Variants in RPS6KA5 observed in about 807,000 individuals in gnomAD.
The protein encoded by RPS6KA5 is ribosomal protein S6 kinase alpha-5.
A neutral mutation model predicts 85.5 loss-of-function variants in RPS6KA5; 27 were observed. The observed-to-expected ratio is 0.32, with a 90% CI of 0.23 to 0.44. The LOEUF is 0.44. Ranked by LOEUF, RPS6KA5 falls within the 20% of genes least tolerant of loss-of-function variation. RPS6KA5 has a pLI of 1.00. For missense variants in RPS6KA5, 811 were observed against 980.9 expected, an observed-to-expected ratio of 0.83 and a Z score of 2.31; for synonymous variants, 334 against 348.2, an observed-to-expected ratio of 0.96 and a Z score of 0.46.
At chr14:90,985,012 C>A (rs1294202893) in intron 2 of RPS6KA5, among the ~76,000 whole-genome samples, 1 of 151,760 alleles carries the variant, frequency 6.6e-6, no homozygotes, top group African/African-American at 2.4e-5. Context: ...ACGATCTTGG[C>A]TCACCACAAC....
rs917684104 is a variant in RPS6KA5 at position 90,848,684 on chromosome 14, C to T, written c.*23390G>A. 1.3e-5 allele frequency: 2 copies of T among 152,090 alleles called. No homozygotes were observed. The highest frequency in any genetic ancestry group is 4.8e-5 in the African/African-American group (2 of 41,418). 9.4% of individuals were successfully genotyped at this position (152,090 alleles called of 1,614,324 possible). A position where few individuals can be genotyped will look rare whatever the true frequency, so the allele number is the denominator to read the frequency against. Reference sequence around the variant, plus strand: ...AGAGACTTAGAAAAAAAAAGCCATGCAAATAAAAATCTCATTACATGCCAG... The same window carrying T: ...AGAGACTTAGAAAAAAAAAGCCATGTAAATAAAAATCTCATTACATGCCAG... On this transcript the variant is annotated 3_prime_UTR_variant, in exon 17 of 17. Transcript: ENST00000614987.
At position 90,891,617 on chromosome 14, in the gene RPS6KA5, A is replaced by G. The variant is rs1375477939; in HGVS notation, c.1645-939T>C. 2.0e-5 allele frequency among the ~76,000 whole-genome samples: 3 copies of G among 152,304 alleles called. No individual in the cohort carries two copies. In the South Asian group the frequency reaches 6.2e-4, roughly 32 times the overall value. On this transcript the variant is annotated intron_variant, in intron 13 of 16. Coordinates refer to ENST00000614987, the MANE Select transcript of RPS6KA5 (RefSeq NM_004755.4). ...GAATATTATTTGCTTTGTTAATACT[A>G]TTCTAGCTGAAATAAAACACATTAT... is the stretch of plus-strand genomic sequence containing the variant.
intron 4 of RPS6KA5, among the ~76,000 whole-genome samples, chr14:90,944,940 T>C (rs1955213126): frequency 6.7e-6 from 1 of 149,894 alleles, no homozygotes; most frequent in Non-Finnish European, 1.5e-5. Flanking sequence ...CTCTATTTTT[T>C]TTTTTTTTAA....
At chr14:91,000,815 T>C (rs2040756640) in intron 2 of RPS6KA5, among the ~76,000 whole-genome samples, 1 of 151,962 alleles carries the variant, frequency 6.6e-6, no homozygotes, top group Non-Finnish European at 1.5e-5. Context: ...AAAAATAAAA[T>C]AAAATAAAAT....
At chr14:91,005,523 G>C (rs1243859881) in intron 1 of RPS6KA5, among the ~76,000 whole-genome samples, 4 of 152,070 alleles carry the variant, frequency 2.6e-5, no homozygotes, top group African/African-American at 9.7e-5. Flanking sequence ...GCATGGGGGA[G>C]TATTTGTCCA....
At chr14:90,944,052 TTAAG>T (rs2037738244) in intron 4 of RPS6KA5, among the ~76,000 whole-genome samples, 1 of 152,188 alleles carries the variant, frequency 6.6e-6, no homozygotes, top group Non-Finnish European at 1.5e-5. Flanking sequence ...AGAAAATCAA[TTAAG>T]TAACATTTAT....
At chr14:90,985,705 C>T (rs2040029846) in intron 2 of RPS6KA5, among the ~76,000 whole-genome samples, 1 of 152,200 alleles carries the variant, frequency 6.6e-6, no homozygotes, top group Non-Finnish European at 1.5e-5. Flanking sequence ...CCAACTTAGT[C>T]TTATACTCCC....
intron 6 of RPS6KA5, 105 bp downstream of exon 6, chr14:90,923,008 C>G (rs1280213080): frequency 1.3e-6 from 1 of 759,902 alleles, no homozygotes; most frequent in Non-Finnish European, 2.2e-6. Context: ...AGACAATCAA[C>G]ACCAGAAAGA....
intron 5 of RPS6KA5, among the ~76,000 whole-genome samples, chr14:90,942,479 C>A (rs1196237642): frequency 6.6e-6 from 1 of 152,322 alleles, no homozygotes; most frequent in South Asian, 2.1e-4. Context: ...AATAGATGTA[C>A]AATTTTAAGT....
chr14:90,952,999 G>C (rs2038289035), intron 3 of RPS6KA5, among the ~76,000 whole-genome samples: 1 of 152,138 alleles, frequency 6.6e-6, no homozygotes, highest in Admixed American at 6.5e-5. Context: ...TAATCGGCTT[G>C]TTTTTAGTGT....
chr14:90,988,365 A>G (rs796192522), intron 2 of RPS6KA5, among the ~76,000 whole-genome samples: 20 of 152,336 alleles, frequency 1.3e-4, no homozygotes, highest in African/African-American at 4.8e-4. Flanking sequence ...AATAGCTAAA[A>G]CTGAAAAACA....
At chr14:91,015,232 G>A (rs1190093442) in intron 1 of RPS6KA5, among the ~76,000 whole-genome samples, 4 of 151,994 alleles carry the variant, frequency 2.6e-5, no homozygotes, top group East Asian at 1.9e-4. Flanking sequence ...CCTGGAACCC[G>A]AATCTAGACA....
At chr14:91,045,752 T>C (rs2042846208) in intron 1 of RPS6KA5, among the ~76,000 whole-genome samples, 1 of 152,174 alleles carries the variant, frequency 6.6e-6, no homozygotes, top group South Asian at 2.1e-4. Context: ...AAAGCAAAAC[T>C]AATCTCATCA....
intron 1 of RPS6KA5, among the ~76,000 whole-genome samples, chr14:91,056,675 C>T (rs956028204): frequency 6.6e-6 from 1 of 152,072 alleles, no homozygotes; most frequent in African/African-American, 2.4e-5. Context: ...CATCTAAAAT[C>T]GCACCCAGTA....
At chr14:90,882,462 T>C (rs747965809) in intron 14 of RPS6KA5, among the ~76,000 whole-genome samples, 1 of 152,254 alleles carries the variant, frequency 6.6e-6, no homozygotes, top group African/African-American at 2.4e-5. Context: ...TTACCTTTAT[T>C]GACATCTTTA....
At position 91,060,504 on chromosome 14, in the gene RPS6KA5, T is replaced by A; in HGVS notation, c.-70A>T. ...CAGGAGACAGCGGACGCCCGTCCCC[T>A]CGCAGCCGCTGCCGCGGCCCCAGGA... On this transcript the variant is annotated 5_prime_UTR_variant, in exon 1 of 17. Transcript: ENST00000614987. The A allele has an allele frequency of 7.9e-7, 1 of 1,259,306 alleles. No homozygotes were observed. The highest frequency in any genetic ancestry group is 3.1e-5 in the South Asian group (1 of 32,288). 78.0% of individuals were successfully genotyped at this position (1,259,306 alleles called of 1,614,324 possible). A position where few individuals can be genotyped will look rare whatever the true frequency, so the allele number is the denominator to read the frequency against.
rs1392506272 is a variant in RPS6KA5 at position 90,852,711 on chromosome 14, C to T, written c.*19363G>A. 6.9e-6 allele frequency: 1 copy of T among 145,776 alleles called. No homozygotes were observed. Among genetic ancestry groups the T allele is most frequent in the Non-Finnish European group, 1.5e-5 (1 of 67,058 alleles). The allele number at this position is 145,776 out of a possible 1,614,324, so 9.0% of individuals were successfully genotyped here. A position where few individuals can be genotyped will look rare whatever the true frequency, so the allele number is the denominator to read the frequency against. On this transcript the variant is annotated 3_prime_UTR_variant, in exon 17 of 17. Transcript: ENST00000614987. ...TAAACAAAAATAAATTCCAGTTAGC[C>T]TTTGCTGGGAGAAACTTTTTTTTTT...
In RPS6KA5 at chr14:90,855,330, A is replaced by C. The variant is rs2032219511; in HGVS notation, c.*16744T>G. 1 of 152,262 alleles carries C rather than the reference A, an allele frequency of 6.6e-6. No individual in the cohort carries two copies. The highest frequency in any genetic ancestry group is 2.4e-5 in the African/African-American group (1 of 41,478). The allele number at this position is 152,262 out of a possible 1,614,324, so 9.4% of individuals were successfully genotyped here. ...AATATTTCAGCTAACTGCACAAATG[A>C]GCCTGCTTCTGAGACAAAGTTAACA... On this transcript the variant is annotated 3_prime_UTR_variant, in exon 17 of 17. Transcript: ENST00000614987.
At chr14:91,051,120 T>C (rs905253191) in intron 1 of RPS6KA5, among the ~76,000 whole-genome samples, 4 of 152,054 alleles carry the variant, frequency 2.6e-5, no homozygotes, top group Non-Finnish European at 4.4e-5. Context: ...ACACTTGTAG[T>C]CCCAGCTACT....
Sources: allele counts gnomAD v4.1 joint callset (sites outside exome capture counted in the v4.1 genomes callset), GRCh38; gene constraint gnomAD v4.1.1; transcripts MANE v1.5; gene names NCBI Gene and HGNC (gene_info 2026-07-23, HGNC 2026-07-21).